DCAKD: variants seen among roughly 807,000 people sequenced by gnomAD.
DCAKD encodes dephospho-CoA kinase domain-containing protein.
DCAKD carries 15 observed loss-of-function variants against 18.7 expected under a neutral mutation model. The ratio of observed to expected loss-of-function variants is 0.80; its 90% confidence interval spans 0.54 to 1.24. DCAKD has a LOEUF of 1.24. DCAKD is among the 50% of genes most tolerant of loss of function. The pLI is 0.00. For missense variants in DCAKD, 301 were observed against 322.0 expected (o/e 0.93, Z 0.50); for synonymous variants, 130 against 133.0 (o/e 0.98, Z 0.16).
chr17:45,037,829 T>A (rs1455159461), intron 1 of DCAKD, among the ~76,000 whole-genome samples: 1 of 149,814 alleles, frequency 6.7e-6, no homozygotes, highest in Non-Finnish European at 1.5e-5. Context: ...TGCAGTGGTG[T>A]GATCTCGGCT....
intron 1 of DCAKD, among the ~76,000 whole-genome samples, chr17:45,058,751 AC>A (rs200171179): frequency 5.4e-5 from 8 of 148,984 alleles, no homozygotes; most frequent in Non-Finnish European, 7.5e-5. Context: ...CTTACCTCTG[AC>A]CCCCCCCTTC....
At chr17:45,054,121 A>G, upstream of DCAKD, 1 of 519,030 alleles carries the variant, frequency 1.9e-6, no homozygotes, top group East Asian at 5.4e-5. Flanking sequence ...AAAGGATTCC[A>G]TCTTGTGTCC....
chr17:45,047,590 C>G (rs2053599513), intron 1 of DCAKD, among the ~76,000 whole-genome samples: 1 of 149,832 alleles, frequency 6.7e-6, no homozygotes, highest in Non-Finnish European at 1.5e-5. Context: ...ACTGCAACCT[C>G]CGGCTCCCGG....
intron 1 of DCAKD, among the ~76,000 whole-genome samples, chr17:45,042,470 CCT>C (rs1184333752): frequency 8.5e-5 from 13 of 152,222 alleles, no homozygotes; most frequent in Admixed American, 2.0e-4. Flanking sequence ...GCTTGCAGCC[CCT>C]GTCCTCCTCC....
chr17:45,049,048 C>T (rs1156876584), intron 1 of DCAKD, among the ~76,000 whole-genome samples: 1 of 151,982 alleles, frequency 6.6e-6, no homozygotes, highest in Non-Finnish European at 1.5e-5. Context: ...CGCCACTGCA[C>T]TACAGCCTGG....
chr17:45,035,238 T>C, intron 1 of DCAKD: 1 of 216,826 alleles, frequency 4.6e-6, no homozygotes, highest in Non-Finnish European at 9.4e-6. Context: ...CCCAGCACTT[T>C]GGGAGGCCAA....
chr17:45,034,975 TC>T lies in DCAKD; in HGVS notation c.-91del. 7.2e-7 allele frequency: 1 copy of T among 1,390,796 alleles called. No individual in the cohort carries two copies. The highest frequency in any genetic ancestry group is 1.0e-6 in the Non-Finnish European group (1 of 998,464). 86.2% of individuals were successfully genotyped at this position (1,390,796 alleles called of 1,614,324 possible). A position where few individuals can be genotyped will look rare whatever the true frequency, so the allele number is the denominator to read the frequency against. On this transcript the variant is annotated 5_prime_UTR_variant, in exon 2 of 5. An upstream open reading frame in the 5' UTR gains an earlier in-frame stop. Transcript: ENST00000651974. ...GGGCAAGTGTGGCCGATGGGGGCGG[TC>T]CACCAGAGGAGTGCCAGAAGGACCT... is the stretch of plus-strand genomic sequence containing the variant.
intron 1 of DCAKD, among the ~76,000 whole-genome samples, chr17:45,058,008 C>CAAAAA (rs1183133616): frequency 6.9e-5 from 2 of 28,996 alleles, no homozygotes; most frequent in Admixed American, 3.3e-4. Context: ...GATTCCGTCT[C>CAAAAA]AAAAAAAAAA....
chr17:45,037,891 C>T (rs146852063), intron 1 of DCAKD, among the ~76,000 whole-genome samples: 5 of 151,870 alleles, frequency 3.3e-5, no homozygotes, highest in Non-Finnish European at 7.4e-5. Context: ...CTCAAACTCC[C>T]GAATAGCTGG....
chr17:45,058,900 G>A (rs1196596735), intron 1 of DCAKD, among the ~76,000 whole-genome samples: 1 of 152,142 alleles, frequency 6.6e-6, no homozygotes, highest in Admixed American at 6.6e-5. Flanking sequence ...AGGATTATCT[G>A]CTGCTTTGGA....
intron 1 of DCAKD, among the ~76,000 whole-genome samples, chr17:45,036,332 T>C (rs1157198400): frequency 6.6e-6 from 1 of 152,102 alleles, no homozygotes; most frequent in African/African-American, 2.4e-5. Flanking sequence ...CTGGCTAACA[T>C]GGTAAAACCC....
At position 45,024,418 on chromosome 17, in the gene DCAKD, G is replaced by C. The variant is rs1483725462; in HGVS notation, c.*15C>G. On this transcript the variant is annotated 3_prime_UTR_variant, in exon 5 of 5. Coordinates refer to ENST00000651974, the MANE Select transcript of DCAKD (RefSeq NM_001288655.2). Reference sequence around the variant, plus strand: ...GATAGATGGAGGCCTGGGGCTCCCTGCCTTGAGTGCCCCACTAGGCGTAAG... The same window carrying C: ...GATAGATGGAGGCCTGGGGCTCCCTCCCTTGAGTGCCCCACTAGGCGTAAG... The C allele has an allele frequency of 2.5e-6, 4 of 1,585,572 alleles. No individual in the cohort carries two copies. Among genetic ancestry groups the C allele is most frequent in the Non-Finnish European group, 3.5e-6 (4 of 1,159,096 alleles).
chr17:45,042,749 C>G (rs1302114433), intron 1 of DCAKD, among the ~76,000 whole-genome samples: 1 of 152,164 alleles, frequency 6.6e-6, no homozygotes, highest in Non-Finnish European at 1.5e-5. Flanking sequence ...CTGTTTAAAC[C>G]TTCAAGTCCA....
At chr17:45,029,112 T>C (rs1249223172) in intron 4 of DCAKD, among the ~76,000 whole-genome samples, 1 of 152,256 alleles carries the variant, frequency 6.6e-6, no homozygotes, top group African/African-American at 2.4e-5. Flanking sequence ...TGACCTTAGT[T>C]AGCCTCTCAA....
upstream of DCAKD, among the ~76,000 whole-genome samples, chr17:45,053,360 C>T (rs1169093901): frequency 1.3e-5 from 2 of 150,704 alleles, no homozygotes; most frequent in African/African-American, 4.9e-5. Flanking sequence ...CAGGTTCAAG[C>T]GATTCTCCTG....
chr17:45,058,786 C>T (rs2053815696), intron 1 of DCAKD, among the ~76,000 whole-genome samples: 1 of 151,994 alleles, frequency 6.6e-6, no homozygotes, highest in African/African-American at 2.4e-5. Context: ...ATAGGGCAAT[C>T]GCGTTGAACA....
At chr17:45,050,384 C>G (rs2053666493) in intron 1 of DCAKD, among the ~76,000 whole-genome samples, 2 of 152,114 alleles carry the variant, frequency 1.3e-5, no homozygotes, top group Non-Finnish European at 2.9e-5. Context: ...TCGTGGCTTG[C>G]CTGCCTTCAG....
rs753468881 is a variant in DCAKD, at chr17:45,030,175, G to A, written c.321C>T (p.Tyr107=). The A allele has an allele frequency of 1.7e-5, 28 of 1,613,852 alleles. No individual in the cohort carries two copies. The highest frequency in any genetic ancestry group is 2.4e-5 in the Non-Finnish European group (28 of 1,179,882). Residue 107 remains tyrosine (Y), a synonymous_variant, in exon 4 of 5, where the codon TAC becomes TAT. Transcript: ENST00000651974. Reference sequence around the variant, plus strand: ...GGGGGATATCCAGAATCACGTAGCGGTATCCTGGGGAGAGGTTGGAAATCC... The same window carrying A: ...GGGGGATATCCAGAATCACGTAGCGATATCCTGGGGAGAGGTTGGAAATCC... ...KETFKYFLRG[Y]RYVILDIPLL... is the part of the protein sequence containing the mutation.
At chr17:45,049,489 C>CTT (rs202044633) in intron 1 of DCAKD, among the ~76,000 whole-genome samples, 83 of 140,558 alleles carry the variant, frequency 5.9e-4, no homozygotes, top group South Asian at 1.4e-3. Context: ...AAAAGTGGTT[C>CTT]TTTTTTTTTT....
Sources: allele counts gnomAD v4.1 joint callset (sites outside exome capture counted in the v4.1 genomes callset), GRCh38; gene constraint gnomAD v4.1.1; transcripts MANE v1.5; gene names NCBI Gene and HGNC (gene_info 2026-07-23, HGNC 2026-07-21).